Variants in DCDC1 observed in about 807,000 individuals in gnomAD.
DCDC1 encodes the protein doublecortin domain containing 1, also known as doublecortin domain-containing protein 1.
A neutral mutation model predicts 178.3 loss-of-function variants in DCDC1; 200 were observed. That is an observed-to-expected ratio of 1.12 (90% CI 1.00 to 1.26). DCDC1 has a LOEUF of 1.26. DCDC1 is among the 50% of genes most tolerant of loss of function. DCDC1 has a pLI of 0.00. For synonymous variants in DCDC1, 690 were observed against 604.8 expected (o/e 1.14, Z -2.07); for missense variants, 1,983 against 1,749.2 (o/e 1.13, Z -2.38).
At chr11:31,140,421 G>A (rs534489242) in intron 9 of DCDC1, among the ~76,000 whole-genome samples, 64 of 152,254 alleles carry the variant, frequency 4.2e-4, no homozygotes, top group African/African-American at 1.5e-3. Flanking sequence ...ATATAAGAAG[G>A]CATCTTCAAA....
intron 9 of DCDC1, among the ~76,000 whole-genome samples, chr11:31,160,136 T>C (rs1591265971): frequency 3.9e-5 from 6 of 152,188 alleles, no homozygotes. Context: ...TATGTAAACA[T>C]GAATGTTTTA....
chr11:31,330,459 T>C (rs559109054), intron 2 of DCDC1, among the ~76,000 whole-genome samples: 2 of 152,330 alleles, frequency 1.3e-5, no homozygotes, highest in East Asian at 3.9e-4. Flanking sequence ...GTTTTAGTCA[T>C]GAAGTCCTTG....
At position 30,893,006 on chromosome 11, in the gene DCDC1, A is replaced by C. The variant is rs1455248627; in HGVS notation, c.4903-9T>G. On this transcript the variant is annotated splice_polypyrimidine_tract_variant and intron_variant, in intron 35 of 38. Coordinates refer to ENST00000684477, the MANE Select transcript of DCDC1 (RefSeq NM_001387274.1). ...ATTTCAGAAAGGTGTGCCTGTCAAGAAAAGCCCAGAGAATGTTGTGTTTAG... is the reference window on the plus strand; with the variant it reads ...ATTTCAGAAAGGTGTGCCTGTCAAGCAAAGCCCAGAGAATGTTGTGTTTAG... The C allele has an allele frequency of 6.2e-7, 1 of 1,613,328 alleles. No homozygotes were observed. Among genetic ancestry groups the C allele is most frequent in the Non-Finnish European group, 8.5e-7 (1 of 1,179,716 alleles).
At chr11:31,141,812 G>C (rs1327348268) in intron 9 of DCDC1, among the ~76,000 whole-genome samples, 1 of 152,198 alleles carries the variant, frequency 6.6e-6, no homozygotes, top group African/African-American at 2.4e-5. Context: ...TTCAGTTACA[G>C]AACAAATGGA....
At chr11:31,128,291 CA>C (rs1295104641) in intron 10 of DCDC1, among the ~76,000 whole-genome samples, 1 of 151,892 alleles carries the variant, frequency 6.6e-6, no homozygotes, top group Non-Finnish European at 1.5e-5. Flanking sequence ...CCAGAAACAC[CA>C]AAGGCTAAGG....
intron 20 of DCDC1, among the ~76,000 whole-genome samples, chr11:30,991,408 G>T (rs543313818): frequency 2.0e-4 from 31 of 152,278 alleles, no homozygotes; most frequent in Admixed American, 1.8e-3. Context: ...TCAGCAAAAT[G>T]CCATGATTCT....
At chr11:31,013,531 T>C (rs1380140431) in intron 20 of DCDC1, among the ~76,000 whole-genome samples, 2 of 152,312 alleles carry the variant, frequency 1.3e-5, no homozygotes, top group African/African-American at 4.8e-5. Context: ...CTAAAAACTA[T>C]CTTAATTACT....
intron 38 of DCDC1, among the ~76,000 whole-genome samples, chr11:30,878,082 T>C (rs1942303679): frequency 6.6e-6 from 1 of 152,194 alleles, no homozygotes; most frequent in Non-Finnish European, 1.5e-5. Flanking sequence ...CATTATTTTG[T>C]CTAGTTTTGT....
At chr11:30,867,151 G>C (rs554954558) in intron 38 of DCDC1, among the ~76,000 whole-genome samples, 2 of 152,176 alleles carry the variant, frequency 1.3e-5, no homozygotes, top group Non-Finnish European at 2.9e-5. Flanking sequence ...CCATAAAAAT[G>C]ATCACTTCAA....
chr11:30,943,189 TC>T (rs1376630389), intron 21 of DCDC1: 1 of 152,324 alleles, frequency 6.6e-6, no homozygotes, highest in African/African-American at 2.4e-5. Context: ...TGATCATTCT[TC>T]TTTTTTTTTT....
In DCDC1 at chr11:30,878,655, C is replaced by G; in HGVS notation, c.5290G>C (p.Gly1764Arg). 1 of 1,610,776 alleles carries G rather than the reference C, an allele frequency of 6.2e-7. No homozygotes were observed. Among genetic ancestry groups the G allele is most frequent in the Non-Finnish European group, 8.5e-7 (1 of 1,178,538 alleles). ...ACCACAATGTCTGTGGCTTGAGGGC[C>G]CTGCTGCCTTCGGATTCTGGCATAA... ...ANYARIRRQQ[G>R]PQATDIVVSP... Residue 1764 changes from glycine to arginine, a missense_variant, in exon 38 of 39, where the codon GGC (glycine) becomes CGC (arginine). Physicochemically the swap from Gly to Arg is moderately radical, Grantham distance 125. Transcript: ENST00000684477.
At chr11:31,113,438 C>A (rs58940212) in intron 11 of DCDC1, among the ~76,000 whole-genome samples, 1 of 129,460 alleles carries the variant, frequency 7.7e-6, no homozygotes, top group Non-Finnish European at 1.6e-5. Flanking sequence ...ATACCTCCCC[C>A]CTCCCCCCAC....
At chr11:31,030,929 A>T (rs958876241) in intron 20 of DCDC1, among the ~76,000 whole-genome samples, 1 of 152,006 alleles carries the variant, frequency 6.6e-6, no homozygotes, top group African/African-American at 2.4e-5. Flanking sequence ...CCACACTTAT[A>T]CCCAGTTATT....
intron 20 of DCDC1, among the ~76,000 whole-genome samples, chr11:31,037,322 C>T (rs1954107896): frequency 6.6e-6 from 1 of 152,126 alleles, no homozygotes; most frequent in Non-Finnish European, 1.5e-5. Flanking sequence ...TGTCCCAGAA[C>T]TTACCTTGCC....
In DCDC1 at chr11:31,114,048, T is replaced by C. The variant is rs569279709; in HGVS notation, c.1486-3687A>G. ...AATCAGAAAACAGTACACGATAAGG[T>C]CAACAGGCAGTAGCTATCTTCCTGG... On this transcript the variant is annotated intron_variant, in intron 11 of 38. Coordinates refer to ENST00000684477, the MANE Select transcript of DCDC1 (RefSeq NM_001387274.1). Among the ~76,000 whole-genome samples, 7 of 152,078 alleles carry C rather than the reference T, an allele frequency of 4.6e-5. No individual in the cohort carries two copies. In the South Asian group the frequency reaches 1.4e-3, roughly 31 times the overall value.
chr11:30,909,042 G>C lies in DCDC1; in HGVS notation c.3822C>G (p.Ala1274=). Residue 1274 remains alanine, a synonymous_variant, in exon 29 of 39, where the codon GCC becomes GCG. Coordinates refer to ENST00000684477, the MANE Select transcript of DCDC1 (RefSeq NM_001387274.1). ...HYMKNIKALV[A]FHSTALDKEI... is the part of the protein sequence containing the mutation. ...CCTTATCCAAGGCAGTGCTATGAAA[G>C]GCCACAAGTGCTTTTATATTTTTCA... 1.9e-6 allele frequency: 3 copies of C among 1,612,098 alleles called. No homozygotes were observed. The highest frequency in any genetic ancestry group is 2.5e-6 in the Non-Finnish European group (3 of 1,178,736).
At chr11:30,980,181 C>G (rs894211092) in intron 20 of DCDC1, among the ~76,000 whole-genome samples, 5 of 152,188 alleles carry the variant, frequency 3.3e-5, no homozygotes, top group Non-Finnish European at 4.4e-5. Context: ...AGCACAGCAT[C>G]TGGCATATAA....
intron 9 of DCDC1, among the ~76,000 whole-genome samples, chr11:31,194,174 A>G (rs576682647): frequency 6.6e-6 from 1 of 152,120 alleles, no homozygotes; most frequent in Non-Finnish European, 1.5e-5. Context: ...TTTTTTCAGC[A>G]TATCACAAGC....
At chr11:31,213,100 C>CTCTCTCTCTCTCTCTCTCTCTCT (rs1972851664) in intron 9 of DCDC1, among the ~76,000 whole-genome samples, 1 of 44,242 alleles carries the variant, frequency 2.3e-5, no homozygotes. Flanking sequence ...TAAAGCCCAG[C>CTCTCTCTCTCTCTCTCTCTCTCT]CTCTCTCTCT....
Sources: allele counts gnomAD v4.1 joint callset (sites outside exome capture counted in the v4.1 genomes callset), GRCh38; gene constraint gnomAD v4.1.1; transcripts MANE v1.5; gene names NCBI Gene and HGNC (gene_info 2026-07-23, HGNC 2026-07-21).